The following ATG4B variants were observed in gnomAD, a reference collection of about 807,000 sequenced individuals.
The protein encoded by ATG4B is autophagy related 4B cysteine peptidase.
A neutral mutation model predicts 56.6 loss-of-function variants in ATG4B; 29 were observed. The ratio of observed to expected loss-of-function variants is 0.51; its 90% CI spans 0.38 to 0.70. The LOEUF (loss-of-function observed/expected upper bound fraction) is 0.70, where lower values mean the gene tolerates loss of function less well. Ranked by LOEUF, ATG4B falls within the 30% of genes least tolerant of loss-of-function variation. ATG4B has a pLI of 0.00. For missense variants in ATG4B, 461 were observed against 515.5 expected (o/e 0.89, Z 1.02); for synonymous variants, 224 against 206.1 (o/e 1.09, Z -0.74).
rs1476971808 is a variant in ATG4B, at chr2:241,672,177, C to G, written c.1109-14C>G. On this transcript the variant is annotated splice_polypyrimidine_tract_variant and intron_variant, in intron 12 of 12. Coordinates refer to ENST00000404914, the MANE Select transcript of ATG4B (RefSeq NM_013325.5). The stretch of plus-strand genomic sequence containing the variant: ...ACCCAAGATGCCTGATGCGCTATGT[C>G]CTGTTCCTTCTAGATTCTTCTGATG... 7 of 1,569,276 alleles carry G rather than the reference C, an allele frequency of 4.5e-6. No homozygotes were observed. Among genetic ancestry groups the G allele is most frequent in the Non-Finnish European group, 6.1e-6 (7 of 1,156,734 alleles).
rs77925329 is a variant in ATG4B at position 241,673,457 on chromosome 2, C to CGCTGCTGCTGCT, written c.*1200_*1211dup. On this transcript the variant is annotated 3_prime_UTR_variant, in exon 13 of 13. Transcript: ENST00000404914. ...CAGCTACTGCGGCGTTGGCAGGACT[C>CGCTGCTGCTGCT]GCTGCTGCTGCTGCTGCTTGTGTAG... is the stretch of plus-strand genomic sequence containing the variant. The CGCTGCTGCTGCT allele has an allele frequency of 4.4e-5, 17 of 385,396 alleles. No individual in the cohort carries two copies. Among genetic ancestry groups the CGCTGCTGCTGCT allele is most frequent in the South Asian group, 2.2e-4 (12 of 53,718 alleles). The allele number at this position is 385,396 out of a possible 1,614,324, so 23.9% of individuals were successfully genotyped here.
At chr2:241,661,760 G>A (rs1012534566) in intron 7 of ATG4B, among the ~76,000 whole-genome samples, 2 of 151,236 alleles carry the variant, frequency 1.3e-5, no homozygotes, top group South Asian at 2.1e-4. Context: ...CATCCCCCCC[G>A]CAACTCATCC....
intron 1 of ATG4B, 141 bp downstream of exon 1, chr2:241,637,865 G>T: frequency 1.0e-6 from 1 of 989,232 alleles, no homozygotes. Context: ...GGGCGCTGCG[G>T]GAGCGCGGGG....
chr2:241,645,229 A>G (rs892587036), intron 1 of ATG4B, among the ~76,000 whole-genome samples: 5 of 152,134 alleles, frequency 3.3e-5, no homozygotes, highest in African/African-American at 1.2e-4. Flanking sequence ...ATAACTGAAG[A>G]GATGCGAGTC....
chr2:241,655,135 TG>T, intron 5 of ATG4B, 135 bp from the exon 6 acceptor site: 1 of 776,472 alleles, frequency 1.3e-6, no homozygotes. Context: ...CCGATCTTGT[TG>T]GGGCATCCTT....
chr2:241,668,190 C>A lies in ATG4B; in HGVS notation c.780C>A (p.Pro260=). 1 of 1,607,504 alleles carries A rather than the reference C, an allele frequency of 6.2e-7. No homozygotes were observed. ...CCCTGGGCGTCATCGGAGGGAAGCC[C>A]AACAGCGCCCACTACTTCATCGGCT... ...PQSLGVIGGK[P]NSAHYFIGYV... is the part of the protein sequence containing the mutation. Residue 260 remains proline, a synonymous_variant, in exon 9 of 13, where the codon CCC becomes CCA. Coordinates refer to ENST00000404914, the MANE Select transcript of ATG4B (RefSeq NM_013325.5). This position sits in a 1 kb window ranked among gnomAD's most constrained non-coding sequence, Gnocchi z 4.2.
At chr2:241,655,823 G>A (rs1440703791) in intron 6 of ATG4B, among the ~76,000 whole-genome samples, 7 of 152,212 alleles carry the variant, frequency 4.6e-5, no homozygotes, top group East Asian at 1.9e-4. Flanking sequence ...GCTTCCTTTC[G>A]CACCTCACTC....
chr2:241,660,807 C>T (rs146888941), intron 7 of ATG4B, among the ~76,000 whole-genome samples: 3,623 of 152,304 alleles, frequency 0.024, 213 homozygotes, highest in East Asian at 0.19. Context: ...TTCACTGCCC[C>T]ATCCTCCCTC....
intron 7 of ATG4B, among the ~76,000 whole-genome samples, chr2:241,662,441 A>C (rs2068617757): frequency 6.6e-6 from 1 of 152,224 alleles, no homozygotes; most frequent in Non-Finnish European, 1.5e-5. Flanking sequence ...ATAAATTTTA[A>C]ATGTGTTCAA....
rs781186114 is a variant in ATG4B, at chr2:241,659,100, C to T, written c.459-8C>T. ...AAAAGCTTATGGTCATTCTCCTACT[C>T]TCTGTAGGAAGCTTGCTGTCTTCGA... On this transcript the variant is annotated splice_region_variant and splice_polypyrimidine_tract_variant and intron_variant, in intron 6 of 12. Coordinates refer to ENST00000404914, the MANE Select transcript of ATG4B (RefSeq NM_013325.5). 3.1e-6 allele frequency: 5 copies of T among 1,589,892 alleles called. No individual in the cohort carries two copies. The highest frequency in any genetic ancestry group is 2.7e-5 in the African/African-American group (2 of 74,494).
chr2:241,649,506 T>C (rs2068165775), intron 1 of ATG4B, among the ~76,000 whole-genome samples: 1 of 152,164 alleles, frequency 6.6e-6, no homozygotes, highest in African/African-American at 2.4e-5. Context: ...GAAGGATGAG[T>C]GATCAGACAC....
rs576282903 is a variant in ATG4B, at chr2:241,643,656, A to G, written c.10+5932A>G. ...TATATACACATATATGTATAAATATATATATACGTGTGTGTGTGTGTGTGT... is the reference window on the plus strand; with the variant it reads ...TATATACACATATATGTATAAATATGTATATACGTGTGTGTGTGTGTGTGT... On this transcript the variant is annotated intron_variant, in intron 1 of 12. Coordinates refer to ENST00000404914, the MANE Select transcript of ATG4B (RefSeq NM_013325.5). Among the ~76,000 whole-genome samples, 610 of 95,046 alleles carry G rather than the reference A, an allele frequency of 6.4e-3. 5 individuals are homozygous for G. Among genetic ancestry groups the G allele is most frequent in the South Asian group, 0.053 (142 of 2,684 alleles). 62.4% of individuals were successfully genotyped at this position (95,046 alleles called of 152,430 possible).
chr2:241,665,870 CCTGT>C (rs777814240), intron 7 of ATG4B, among the ~76,000 whole-genome samples: 24 of 152,316 alleles, frequency 1.6e-4, no homozygotes, highest in East Asian at 3.9e-4. Context: ...CTACCTGTCA[CCTGT>C]CTGTCACCTG....
At chr2:241,654,419 TAAAAA>T (rs201525288) in intron 4 of ATG4B, 122 bp from the exon 5 acceptor site, 2,847 of 437,168 alleles carry the variant, frequency 6.5e-3, no homozygotes, top group East Asian at 0.038. Flanking sequence ...AGACTCTGTT[TAAAAA>T]AAAAAAAAAA....
intron 1 of ATG4B, among the ~76,000 whole-genome samples, chr2:241,638,787 A>T (rs1391203578): frequency 6.6e-6 from 1 of 152,236 alleles, no homozygotes; most frequent in Non-Finnish European, 1.5e-5. Context: ...CCTAAGGAGC[A>T]TGTTGACCAG....
chr2:241,667,461 G>C (rs1169577191), intron 8 of ATG4B, among the ~76,000 whole-genome samples: 1 of 151,608 alleles, frequency 6.6e-6, no homozygotes, highest in African/African-American at 2.4e-5. Context: ...AAAATTAGCC[G>C]GGCATGGTGG....
chr2:241,637,889 T>TGGGGGGGGGGGGGGGGGG, intron 1 of ATG4B, 165 bp downstream of exon 1: 1 of 154,672 alleles, frequency 6.5e-6, no homozygotes, highest in Non-Finnish European at 1.3e-5. Flanking sequence ...TGTTGGTGGG[T>TGGGGGGGGGGGGGGGGGG]GGTGGGCGGT....
chr2:241,670,579 G>T (rs2068934316), intron 10 of ATG4B, 147 bp from the exon 11 acceptor site: 2 of 773,288 alleles, frequency 2.6e-6, no homozygotes, highest in East Asian at 5.4e-5. Flanking sequence ...TCCGTTCCTG[G>T]CCACAGGAGC....
chr2:241,670,366 C>T (rs1462550498), intron 10 of ATG4B, among the ~76,000 whole-genome samples: 1 of 152,070 alleles, frequency 6.6e-6, no homozygotes, highest in Non-Finnish European at 1.5e-5. Context: ...TGAGACCCAG[C>T]GGCCCTGCCT....
Sources: gnomAD v4.1 joint callset for allele counts (sites outside exome capture counted in the v4.1 genomes callset) on GRCh38, gnomAD v4.1.1 for gene constraint, Gnocchi (gnomAD v3.1) non-coding constraint, MANE v1.5 for transcripts, NCBI Gene and HGNC (gene_info 2026-07-23, HGNC 2026-07-21) for gene names.